HNRNPU: variants seen among roughly 807,000 people sequenced by gnomAD.
The protein encoded by HNRNPU is HNRNPU antisense RNA 1.
A neutral mutation model predicts 94.7 loss-of-function variants in HNRNPU; 5 were observed. That is an observed-to-expected ratio of 0.05 (90% confidence interval 0.03 to 0.11). The LOEUF (loss-of-function observed/expected upper bound fraction) is 0.11. HNRNPU is among the 10% of genes least tolerant of loss of function. The probability of loss-of-function intolerance (pLI) is 1.00; values close to 1 mark genes in which losing one functional copy is unlikely to be tolerated. For synonymous variants in HNRNPU, 434 were observed against 381.6 expected (o/e 1.14, Z -1.60); for missense variants, 710 against 1,049.2 (o/e 0.68, Z 4.47).
Position 244,858,186 on chromosome 1 carries a change from G to C in HNRNPU, c.1319C>G (p.Ala440Gly), listed in dbSNP as rs373039242. 4.3e-6 allele frequency: 7 copies of C among 1,614,012 alleles called. No homozygotes were observed. Among genetic ancestry groups the C allele is most frequent in the South Asian group, 2.2e-5 (2 of 91,084 alleles). Residue 440 changes from alanine (A) to glycine (G), a missense_variant, in exon 7 of 14, where the codon GCT becomes GGT. Ala to Gly is a moderately conservative substitution (Grantham distance 60). Around this residue, in one of 8 missense-constraint regions of HNRNPU, gnomAD observed 150 missense variants for 187.9 expected, o/e 0.80. Transcript: ENST00000640218. Reference protein sequence around the residue: ...VAFKISKEVLAGRPLFPHVLC... With the variant: ...VAFKISKEVLGGRPLFPHVLC... ...AACATGCGGGAACAGTGGCCGTCCAGCAAGAACTTCCTTACTGATTTTGAA... is the reference window on the plus strand; with the variant it reads ...AACATGCGGGAACAGTGGCCGTCCACCAAGAACTTCCTTACTGATTTTGAA...
At chr1:244,857,808 G>C (rs1680719431) in intron 7 of HNRNPU, 91 bp from the exon 8 acceptor site, 2 of 1,486,740 alleles carry the variant, frequency 1.3e-6, no homozygotes, top group Non-Finnish European at 1.8e-6. Flanking sequence ...AAATATCTAA[G>C]TTTTCATAGC....
intron 6 of HNRNPU, 161 bp downstream of exon 6, chr1:244,858,568 G>T (rs1468464112): frequency 1.6e-6 from 1 of 619,472 alleles, no homozygotes; most frequent in East Asian, 2.8e-5. Flanking sequence ...AATGTCCTGT[G>T]TTTTCCCAAT....
At chr1:244,857,982 C>CCA in intron 7 of HNRNPU, 29 bp downstream of exon 7, 1 of 1,563,650 alleles carries the variant, frequency 6.4e-7, no homozygotes, top group East Asian at 2.2e-5. Flanking sequence ...TATTCAAATG[C>CCA]CACAGTTAAA....
chr1:244,851,329 T>C lies in HNRNPU; in HGVS notation c.*3121A>G, dbSNP rs2102982498. ...GTCTACACCACTGCCTAAGAAGCTA[T>C]TAAAATATTTGTATTTGTGCAATGG... is the stretch of plus-strand genomic sequence containing the variant. On this transcript the variant is annotated 3_prime_UTR_variant, in exon 14 of 14. Transcript: ENST00000640218. The C allele has an allele frequency of 6.6e-6, 1 of 152,368 alleles. No homozygotes were observed. 9.4% of individuals were successfully genotyped at this position (152,368 alleles called of 1,614,324 possible). A position where few individuals can be genotyped will look rare whatever the true frequency, so the allele number is the denominator to read the frequency against.
intron 4 of HNRNPU, 179 bp downstream of exon 4, chr1:244,860,156 C>T (rs1296789850): frequency 4.1e-6 from 2 of 492,230 alleles, no homozygotes; most frequent in African/African-American, 2.0e-5. Context: ...AAAAATTAGC[C>T]AGGTGTGGTA....
Position 244,856,440 on chromosome 1 carries a change from G to T in HNRNPU, c.1912+17C>A, listed in dbSNP as rs1480759234. 5 of 1,599,568 alleles carry T rather than the reference G, an allele frequency of 3.1e-6. No individual in the cohort carries two copies. The highest frequency in any genetic ancestry group is 3.4e-6 in the Non-Finnish European group (4 of 1,172,926). On this transcript the variant is annotated intron_variant, in intron 10 of 13. Transcript: ENST00000640218. ...AAAAAGAAGATTTCACACAGTAACAGAATTAAAATTCCATGCCTTTCATTT... is the reference window on the plus strand; with the variant it reads ...AAAAAGAAGATTTCACACAGTAACATAATTAAAATTCCATGCCTTTCATTT...
At chr1:244,854,794 C>A in intron 13 of HNRNPU, 179 bp downstream of exon 13, 1 of 525,902 alleles carries the variant, frequency 1.9e-6, no homozygotes, top group Non-Finnish European at 3.3e-6. Flanking sequence ...TTATAGCAAT[C>A]TTCAACCTAT....
intron 1 of HNRNPU, 98 bp downstream of exon 1, chr1:244,863,519 C>A: frequency 7.9e-7 from 1 of 1,258,402 alleles, no homozygotes; most frequent in Non-Finnish European, 9.9e-7. Flanking sequence ...CCCTCCCGCC[C>A]GGGGCTCCCT....
chr1:244,852,012 A>G lies in HNRNPU; in HGVS notation c.*2438T>C, dbSNP rs1480159694. The G allele has an allele frequency of 6.6e-6, 1 of 151,922 alleles. No individual in the cohort carries two copies. The highest frequency in any genetic ancestry group is 2.4e-5 in the African/African-American group (1 of 41,394). The allele number at this position is 151,922 out of a possible 1,614,324, so 9.4% of individuals were successfully genotyped here. On this transcript the variant is annotated 3_prime_UTR_variant, in exon 14 of 14. Coordinates refer to ENST00000640218, the MANE Select transcript of HNRNPU (RefSeq NM_031844.3). Reference sequence around the variant, plus strand: ...CACCCTTCAAATCAACAGCAATCTCACAGTGAGTTTCCTCTGGGTAGTCAG... The same window carrying G: ...CACCCTTCAAATCAACAGCAATCTCGCAGTGAGTTTCCTCTGGGTAGTCAG...
intron 6 of HNRNPU, 53 bp from the exon 7 acceptor site, chr1:244,858,327 A>G (rs1293649890): frequency 3.3e-6 from 5 of 1,514,898 alleles, no homozygotes; most frequent in Admixed American, 1.9e-5. Context: ...TAAACTTTCT[A>G]AAAAACTAAG....
chr1:244,855,154 T>G, intron 12 of HNRNPU, 110 bp from the exon 13 acceptor site: 2 of 843,110 alleles, frequency 2.4e-6, no homozygotes, highest in Non-Finnish European at 4.0e-6. Flanking sequence ...TAATCTTAGG[T>G]AGCAAGCAAT....
intron 1 of HNRNPU, chr1:244,863,245 A>C (rs1255493267): frequency 3.5e-5 from 6 of 169,962 alleles, no homozygotes; most frequent in Non-Finnish European, 7.3e-5. Flanking sequence ...CCCCCGAGAC[A>C]TGTGCCCGCA....
chr1:244,858,300 G>C, intron 6 of HNRNPU, 26 bp from the exon 7 acceptor site: 2 of 1,595,984 alleles, frequency 1.3e-6, no homozygotes, highest in Non-Finnish European at 1.7e-6. Context: ...AAATTCAACA[G>C]TTAAAATCTG....
At position 244,858,073 on chromosome 1, in the gene HNRNPU, T is replaced by C; in HGVS notation, c.1432A>G (p.Asn478Asp). ...PIPEEYTFIQNVPLEDRVRGP... is the reference protein window; with the variant it reads ...PIPEEYTFIQDVPLEDRVRGP... ...CTAACTCGATCCTCTAAGGGGACGT[T>C]CTGGATGAAAGTATACTCTTCAGGT... The change falls in exon 7 of 14, where the codon AAC becomes GAC. Residue 478 changes from asparagine to aspartate, a missense_variant. Asn to Asp is a conservative substitution (Grantham distance 23, BLOSUM62 1). Transcript: ENST00000640218. The C allele has an allele frequency of 6.2e-7, 1 of 1,614,084 alleles. No individual in the cohort carries two copies. The highest frequency in any genetic ancestry group is 2.2e-5 in the East Asian group (1 of 44,876).
chr1:244,855,866 A>T, intron 11 of HNRNPU, 38 bp downstream of exon 11: 1 of 1,604,486 alleles, frequency 6.2e-7, no homozygotes, highest in Non-Finnish European at 8.5e-7. Context: ...ACTTGTTTCG[A>T]TCCTGAACTA....
At position 244,855,563 on chromosome 1, in the gene HNRNPU, T is replaced by C; in HGVS notation, c.2213A>G (p.Gln738Arg). Reference protein sequence around the residue: ...GGYNRRGNMPQRGGGGGGSGG... With the variant: ...GGYNRRGNMPRRGGGGGGSGG... ...ACTTCCTCCACCGCCACCACCTCTC[T>C]GTGGCATGTTGCCCCTCCTATTATA... is the stretch of plus-strand genomic sequence containing the variant. Residue 738 changes from glutamine (Q) to arginine (R), a missense_variant, in exon 12 of 14, where the codon CAG becomes CGG. By Grantham distance (43) the Gln-to-Arg change is conservative (BLOSUM62 1). This residue lies in a region of HNRNPU where 152 missense variants were observed against 238.9 expected (regional missense o/e 0.64). Transcript: ENST00000640218. 6.2e-7 allele frequency: 1 copy of C among 1,614,098 alleles called. No individual in the cohort carries two copies.
intron 5 of HNRNPU, 199 bp downstream of exon 5, chr1:244,859,076 C>T: frequency 1.7e-6 from 1 of 579,742 alleles, no homozygotes; most frequent in Non-Finnish European, 3.0e-6. Flanking sequence ...TTATTTCAAC[C>T]ATTGGTCATA....
Position 244,850,353 on chromosome 1 carries a change from A to T in HNRNPU, c.*4097T>A, listed in dbSNP as rs1302089791. ...TTACAAATATGTACCTGTGGTGCTA[A>T]TACTAGGCAAAGAAAACAGGACGAT... On this transcript the variant is annotated 3_prime_UTR_variant, in exon 14 of 14. Transcript: ENST00000640218. The T allele has an allele frequency of 6.6e-6, 1 of 152,182 alleles. No individual in the cohort carries two copies. Among genetic ancestry groups the T allele is most frequent in the Non-Finnish European group, 1.5e-5 (1 of 68,032 alleles). The allele number at this position is 152,182 out of a possible 1,614,324, so 9.4% of individuals were successfully genotyped here.
At position 244,864,425 on chromosome 1, in the gene HNRNPU, G is replaced by A; in HGVS notation, c.-118C>T. On this transcript the variant is annotated 5_prime_UTR_variant, in exon 1 of 14. Coordinates refer to ENST00000640218, the MANE Select transcript of HNRNPU (RefSeq NM_031844.3). ...CGGGCGGCGGCTGCGGCTGCGGCTG[G>A]AGATGGGTTCGTGCTGCAGAGCGGA... 1 of 1,534,710 alleles carries A rather than the reference G, an allele frequency of 6.5e-7. No homozygotes were observed. Among genetic ancestry groups the A allele is most frequent in the East Asian group, 2.3e-5 (1 of 42,658 alleles).
Sources: allele counts gnomAD v4.1 joint callset, GRCh38; gene constraint gnomAD v4.1.1; regional missense constraint gnomAD v4.1.1; transcripts MANE v1.5; gene names NCBI Gene and HGNC (gene_info 2026-07-23, HGNC 2026-07-21).